CCDC192: variants seen among roughly 807,000 people sequenced by gnomAD.
The protein encoded by CCDC192 is coiled-coil domain containing 192.
At position 127,847,364 on chromosome 5, in the gene CCDC192, G is replaced by A. The variant is rs140013607; in HGVS notation, c.412-28174G>A. ...TTGAAATTCACATAGTGAATAGTCC[G>A]TTATATTTTTGCTGCTGACAGTATT... On this transcript the variant is annotated intron_variant, in intron 5 of 6. Transcript: ENST00000514853. Among the ~76,000 whole-genome samples, 665 of 152,204 alleles carry A rather than the reference G, an allele frequency of 4.4e-3. 3 individuals carry two copies. Among genetic ancestry groups the A allele is most frequent in the African/African-American group, 0.016 (645 of 41,518 alleles).
At position 127,734,869 on chromosome 5, in the gene CCDC192, C is replaced by T. The variant is rs1343297034; in HGVS notation, c.115-19399C>T. Among the ~76,000 whole-genome samples, 230 of 151,808 alleles carry T rather than the reference C, an allele frequency of 1.5e-3. 1 individual carries two copies. The highest frequency in any genetic ancestry group is 5.5e-3 in the African/African-American group (225 of 41,208). ...TAGGTTGCAAAAATTTTCTCCCATT[C>T]TGTAGGTTGCCTGTTCACTCTGATG... On this transcript the variant is annotated intron_variant, in intron 2 of 6. Transcript: ENST00000514853.
intron 2 of CCDC192, among the ~76,000 whole-genome samples, chr5:127,734,271 G>T (rs1752831895): frequency 6.6e-6 from 1 of 151,554 alleles, no homozygotes; most frequent in African/African-American, 2.4e-5. Context: ...ACTTTTTATG[G>T]CTGCATAGTA....
intron 6 of CCDC192, among the ~76,000 whole-genome samples, chr5:127,911,960 C>T (rs973879030): frequency 1.1e-4 from 17 of 151,972 alleles, no homozygotes; most frequent in East Asian, 3.9e-4. Context: ...TTTGCTCTGT[C>T]GCCCAGGCTG....
chr5:127,702,828 T>C (rs948674298), upstream of CCDC192, among the ~76,000 whole-genome samples: 2 of 152,214 alleles, frequency 1.3e-5, no homozygotes, highest in Admixed American at 6.5e-5. Flanking sequence ...AGAAAGTAGC[T>C]GGTGTCTTTG....
At chr5:127,827,648 A>C (rs1561510528) in intron 5 of CCDC192, among the ~76,000 whole-genome samples, 1 of 152,208 alleles carries the variant, frequency 6.6e-6, no homozygotes, top group Non-Finnish European at 1.5e-5. Flanking sequence ...TATTGTCATT[A>C]ATTCAGCAGT....
chr5:127,843,802 C>T (rs1396715523), intron 5 of CCDC192, among the ~76,000 whole-genome samples: 2 of 152,206 alleles, frequency 1.3e-5, no homozygotes, highest in Admixed American at 1.3e-4. Context: ...CCAAGGTCTG[C>T]AGGTTTTCAT....
intron 6 of CCDC192, among the ~76,000 whole-genome samples, chr5:127,934,448 C>T (rs1409175420): frequency 3.9e-5 from 6 of 152,044 alleles, no homozygotes; most frequent in Non-Finnish European, 7.4e-5. Context: ...TTGTTTTTTC[C>T]AAATCAATTA....
In CCDC192 at chr5:127,924,289, G is replaced by A. The variant is rs1753808239; in HGVS notation, c.536-16893G>A. ...AATAATTTCTATATCTTAAGCCTCA[G>A]ATGAAATGGAAAGTTTGCCTGCTGA... On this transcript the variant is annotated intron_variant, in intron 6 of 6. Transcript: ENST00000514853. 3.3e-5 allele frequency among the ~76,000 whole-genome samples: 5 copies of A among 152,178 alleles called. No individual in the cohort carries two copies. The South Asian group carries it at 8.3e-4, about 25-fold the overall frequency.
At chr5:127,813,351 T>C (rs1758186390) in intron 5 of CCDC192, among the ~76,000 whole-genome samples, 1 of 152,174 alleles carries the variant, frequency 6.6e-6, no homozygotes, top group Non-Finnish European at 1.5e-5. Flanking sequence ...AACAAGTAAA[T>C]TTTTGTATAG....
chr5:127,781,496 A>G (rs576758107), intron 3 of CCDC192, among the ~76,000 whole-genome samples: 5 of 151,002 alleles, frequency 3.3e-5, no homozygotes, highest in Admixed American at 1.3e-4. Flanking sequence ...TGTGTTGTCT[A>G]TGATTTCTTT....
chr5:127,782,516 G>T (rs185864949), intron 3 of CCDC192, among the ~76,000 whole-genome samples: 2 of 151,862 alleles, frequency 1.3e-5, no homozygotes, highest in South Asian at 2.1e-4. Flanking sequence ...TCTGTTTAGG[G>T]TATCTAATTC....
chr5:127,814,880 CAG>C (rs1748924469), intron 5 of CCDC192, among the ~76,000 whole-genome samples: 1 of 152,164 alleles, frequency 6.6e-6, no homozygotes, highest in South Asian at 2.1e-4. Context: ...TGAGGGTAAA[CAG>C]TTGTTTTCAA....
At chr5:127,714,293 C>T (rs1751497832) in intron 2 of CCDC192, among the ~76,000 whole-genome samples, 1 of 152,174 alleles carries the variant, frequency 6.6e-6, no homozygotes, top group Non-Finnish European at 1.5e-5. Flanking sequence ...AATAGTGCTG[C>T]AACAAACATG....
chr5:127,732,308 A>T (rs1752686357), intron 2 of CCDC192, among the ~76,000 whole-genome samples: 1 of 152,260 alleles, frequency 6.6e-6, no homozygotes, highest in South Asian at 2.1e-4. Flanking sequence ...ATCTCACACC[A>T]GTCAGAATGG....
chr5:127,902,931 A>C (rs972105953), intron 6 of CCDC192, among the ~76,000 whole-genome samples: 1 of 152,200 alleles, frequency 6.6e-6, no homozygotes, highest in Non-Finnish European at 1.5e-5. Context: ...ATGTGGTTGC[A>C]AGTGTCAGGA....
intron 5 of CCDC192, among the ~76,000 whole-genome samples, chr5:127,834,890 A>G (rs984844120): frequency 1.3e-5 from 2 of 152,194 alleles, no homozygotes; most frequent in Admixed American, 6.5e-5. Flanking sequence ...GCCAGTGTGT[A>G]TATATATACA....
intron 5 of CCDC192, among the ~76,000 whole-genome samples, chr5:127,858,039 G>A (rs1427466344): frequency 6.6e-6 from 1 of 152,034 alleles, no homozygotes; most frequent in African/African-American, 2.4e-5. Context: ...ATGTATAATG[G>A]GAATAGCAAT....
chr5:127,808,972 A>G (rs765673379), intron 5 of CCDC192, among the ~76,000 whole-genome samples: 27 of 152,180 alleles, frequency 1.8e-4, no homozygotes, highest in Non-Finnish European at 2.9e-4. Context: ...GTGTCTCTCT[A>G]TAGCAAATCG....
At chr5:127,797,767 A>T (rs1403160840) in intron 4 of CCDC192, among the ~76,000 whole-genome samples, 154 of 7,818 alleles carry the variant, frequency 0.02, 3 homozygotes, top group African/African-American at 0.041. Context: ...ATATATATAT[A>T]TATATATATA....
Sources: gnomAD v4.1 joint callset for allele counts (sites outside exome capture counted in the v4.1 genomes callset) on GRCh38, gnomAD v4.1.1 for gene constraint, MANE v1.5 for transcripts, NCBI Gene and HGNC (gene_info 2026-07-23, HGNC 2026-07-21) for gene names.